The following BCL7C variants were observed in gnomAD, a reference collection of about 807,000 sequenced individuals.
BCL7C encodes the protein BAF chromatin remodeling complex subunit BCL7C.
In BCL7C, 8 loss-of-function variants were observed where a neutral mutation model predicts 26.2. The ratio of observed to expected loss-of-function variants is 0.30; its 90% CI spans 0.18 to 0.55. The LOEUF (loss-of-function observed/expected upper bound fraction) is 0.55, where lower values mean the gene tolerates loss of function less well. Ranked by LOEUF, BCL7C falls within the 20% of genes least tolerant of loss-of-function variation. BCL7C has a pLI of 0.93. For missense variants in BCL7C, 262 were observed against 298.5 expected (o/e 0.88, Z 0.90); for synonymous variants, 90 against 116.5 (o/e 0.77, Z 1.47).
intron 5 of BCL7C, among the ~76,000 whole-genome samples, chr16:30,848,057 T>C (rs999995277): frequency 1.3e-5 from 2 of 151,980 alleles, no homozygotes; most frequent in African/African-American, 4.8e-5. Context: ...ATGTGTTAGC[T>C]TGTGTACCTG....
intron 5 of BCL7C, among the ~76,000 whole-genome samples, chr16:30,862,413 G>A (rs1045947168): frequency 1.4e-4 from 21 of 152,158 alleles, no homozygotes; most frequent in African/African-American, 1.2e-4. Context: ...CTGTATTGCC[G>A]CAAGGCTGCA....
chr16:30,835,234 T>TCCCCATTGTTCCA, intron 5 of BCL7C: 1 of 1,238,308 alleles, frequency 8.1e-7, no homozygotes. Flanking sequence ...ATTTATGACT[T>TCCCCATTGTTCCA]CCAAATGGCG....
chr16:30,867,617 A>AC (rs751967408), intron 5 of BCL7C, among the ~76,000 whole-genome samples: 8 of 151,958 alleles, frequency 5.3e-5, no homozygotes, highest in Non-Finnish European at 1.0e-4. Flanking sequence ...ACATGGTGAA[A>AC]CCCCATCTCT....
At chr16:30,889,258 A>G (rs1178823874) in intron 4 of BCL7C, among the ~76,000 whole-genome samples, 3 of 152,124 alleles carry the variant, frequency 2.0e-5, no homozygotes, top group Non-Finnish European at 2.9e-5. Context: ...CTTCATTTCC[A>G]TGGGCCTCAG....
At chr16:30,880,754 A>G (rs1452082440) in intron 5 of BCL7C, among the ~76,000 whole-genome samples, 1 of 151,964 alleles carries the variant, frequency 6.6e-6, no homozygotes, top group Non-Finnish European at 1.5e-5. Context: ...GCTAGAGTGC[A>G]GTGGTACAAT....
downstream of BCL7C, among the ~76,000 whole-genome samples, chr16:30,886,237 C>T (rs1031037114): frequency 3.9e-5 from 6 of 152,116 alleles, no homozygotes; most frequent in Non-Finnish European, 7.4e-5. Flanking sequence ...TATACATGAC[C>T]CTATAGGCAC....
rs993591548 is a variant in BCL7C at position 30,872,519 on chromosome 16, C to T, written c.528+16341G>A. Among the ~76,000 whole-genome samples, 3 of 152,264 alleles carry T rather than the reference C, an allele frequency of 2.0e-5. No individual in the cohort carries two copies. In the South Asian group the frequency reaches 6.2e-4, roughly 32 times the overall value. On this transcript the variant is annotated intron_variant, in intron 5 of 5. Coordinates refer to the BCL7C transcript ENST00000380317. ...CAGGCAGGCAGCACTTCCTGAACTGCGGTGTGCCGTTGAGAGAGGGTGAAA... is the reference window on the plus strand; with the variant it reads ...CAGGCAGGCAGCACTTCCTGAACTGTGGTGTGCCGTTGAGAGAGGGTGAAA...
intron 5 of BCL7C, chr16:30,835,185 T>A: frequency 7.0e-7 from 1 of 1,428,046 alleles, no homozygotes; most frequent in Non-Finnish European, 9.2e-7. Context: ...TAGTGTTTCC[T>A]CTTCTCCCCA....
intron 5 of BCL7C, among the ~76,000 whole-genome samples, chr16:30,846,462 C>T (rs1219486450): frequency 2.0e-5 from 3 of 151,856 alleles, no homozygotes; most frequent in African/African-American, 7.3e-5. Flanking sequence ...CTCCTGACCT[C>T]GTGATCCGCC....
In BCL7C at chr16:30,893,951, G is replaced by A. The variant is rs1379218716; in HGVS notation, c.-7C>T. On this transcript the variant is annotated 5_prime_UTR_variant, in exon 1 of 6. Transcript: ENST00000215115. The surrounding 1 kb of genome is among the most constrained non-coding windows in gnomAD (Gnocchi z 5.2). Reference sequence around the variant, plus strand: ...GTACAGTCCGGCCGGCCATGCTGGCGGGGCTGGGGCCGGGGCCGAGCCCGC... The same window carrying A: ...GTACAGTCCGGCCGGCCATGCTGGCAGGGCTGGGGCCGGGGCCGAGCCCGC... The A allele has an allele frequency of 6.6e-7, 1 of 1,517,378 alleles. No individual in the cohort carries two copies. The highest frequency in any genetic ancestry group is 8.8e-7 in the Non-Finnish European group (1 of 1,134,678). 94.0% of individuals were successfully genotyped at this position (1,517,378 alleles called of 1,614,324 possible).
chr16:30,887,966 C>T lies in BCL7C; in HGVS notation c.553G>A (p.Glu185Lys). The change falls in exon 6 of 6, where the codon GAG becomes AAG. Residue 185 changes from glutamate (E) to lysine (K), a missense_variant. By Grantham distance (56) the Glu-to-Lys change is moderately conservative. Transcript: ENST00000215115. The stretch of plus-strand genomic sequence containing the variant: ...GCCTCAGGGACAGGTGGCACTGGCT[C>T]AAAGACAGGGTAAGCTTCGGGGGCC... ...AEAPEAYPVF[E>K]PVPPVPEAAQ... 1 of 1,606,828 alleles carries T rather than the reference C, an allele frequency of 6.2e-7. No individual in the cohort carries two copies. Among genetic ancestry groups the T allele is most frequent in the Admixed American group, 1.7e-5 (1 of 58,974 alleles).
chr16:30,883,779 A>G (rs2055081992), downstream of BCL7C, among the ~76,000 whole-genome samples: 3 of 146,940 alleles, frequency 2.0e-5, no homozygotes, highest in East Asian at 6.3e-4. Context: ...GGCCTCCCAA[A>G]GTGCTGGGAT....
Position 30,875,392 on chromosome 16 carries a change from C to T in BCL7C, c.528+13468G>A, listed in dbSNP as rs927873616. On this transcript the variant is annotated intron_variant, in intron 5 of 5. Coordinates refer to the BCL7C transcript ENST00000380317. ...GCCCGCGCCCCAACCGGAAGTCCGC[C>T]ACCGGCCGCTCTAGCACGCGCAGGG... 6 of 152,746 alleles carry T rather than the reference C, an allele frequency of 3.9e-5. No homozygotes were observed. The East Asian group carries it at 9.6e-4, about 25-fold the overall frequency. The allele number at this position is 152,746 out of a possible 1,614,324, so 9.5% of individuals were successfully genotyped here. A position where few individuals can be genotyped will look rare whatever the true frequency, so the allele number is the denominator to read the frequency against.
chr16:30,876,524 A>C (rs2054952630), intron 5 of BCL7C, among the ~76,000 whole-genome samples: 1 of 152,148 alleles, frequency 6.6e-6, no homozygotes, highest in South Asian at 2.1e-4. Context: ...CAGGCACCAC[A>C]CTAGGCCCTA....
intron 5 of BCL7C, among the ~76,000 whole-genome samples, chr16:30,854,809 C>A (rs2054706239): frequency 6.6e-6 from 1 of 151,152 alleles, no homozygotes; most frequent in Non-Finnish European, 1.5e-5. Flanking sequence ...CAGAGCGATT[C>A]TCCTGCCTCA....
intron 5 of BCL7C, among the ~76,000 whole-genome samples, chr16:30,862,782 AC>A (rs1474308103): frequency 6.6e-6 from 1 of 152,144 alleles, no homozygotes; most frequent in African/African-American, 2.4e-5. Flanking sequence ...ACCTTTGGAT[AC>A]CTGGTTTTGC....
At chr16:30,872,324 A>T (rs953717324) in intron 5 of BCL7C, among the ~76,000 whole-genome samples, 2 of 152,180 alleles carry the variant, frequency 1.3e-5, no homozygotes, top group African/African-American at 4.8e-5. Context: ...ATATGCAGGT[A>T]ATCCCAGCCA....
intron 5 of BCL7C, among the ~76,000 whole-genome samples, chr16:30,869,978 G>A (rs12920259): frequency 0.48 from 73,688 of 152,128 alleles, 22,141 homozygotes; most frequent in East Asian, 0.91. Flanking sequence ...GTAGGGCAGC[G>A]GCTAAAAGCC....
At position 30,878,156 on chromosome 16, in the gene BCL7C, T is replaced by C. The variant is rs138192997; in HGVS notation, c.528+10704A>G. Among the ~76,000 whole-genome samples the C allele has an allele frequency of 1.2e-3, 171 of 140,454 alleles. 6 individuals are homozygous for C. Among genetic ancestry groups the C allele is most frequent in the African/African-American group, 4.0e-3 (149 of 37,380 alleles). 92.1% of individuals were successfully genotyped at this position (140,454 alleles called of 152,430 possible). ...TGCCACTGCACTGCAGCCTGGGCGA[T>C]AGAGCTAAACTCAAGACTCAAAAAA... On this transcript the variant is annotated intron_variant, in intron 5 of 5. Transcript: ENST00000380317.
Sources: gnomAD v4.1 joint callset for allele counts (sites outside exome capture counted in the v4.1 genomes callset) on GRCh38, gnomAD v4.1.1 for gene constraint, Gnocchi (gnomAD v3.1) non-coding constraint, MANE v1.5 for transcripts, NCBI Gene and HGNC (gene_info 2026-07-23, HGNC 2026-07-21) for gene names.